The following STRN variants were observed in gnomAD, a reference collection of about 807,000 sequenced individuals.
The protein encoded by STRN is protein phosphatase 2 regulatory subunit B'''alpha.
A neutral mutation model predicts 96.3 loss-of-function variants in STRN; 53 were observed. The observed-to-expected ratio is 0.55, with a 90% CI of 0.44 to 0.69. The LOEUF (loss-of-function observed/expected upper bound fraction) is 0.69, where lower values mean the gene tolerates loss of function less well. Among genes scored for constraint, STRN ranks in the 30% least tolerant of loss-of-function variants. STRN has a pLI of 0.00. For missense variants in STRN, 987 were observed against 963.9 expected (o/e 1.02, Z -0.32); for synonymous variants, 428 against 355.9 (o/e 1.20, Z -2.28).
chr2:36,966,054 G>A (rs1044641598), intron 1 of STRN, among the ~76,000 whole-genome samples, 176 bp downstream of exon 1: 1 of 151,728 alleles, frequency 6.6e-6, no homozygotes, highest in Non-Finnish European at 1.5e-5. Flanking sequence ...GGGTCGAGGT[G>A]GGGTCAGCGA....
At chr2:36,854,388 T>C (rs2148128566) in intron 15 of STRN, among the ~76,000 whole-genome samples, 1 of 152,298 alleles carries the variant, frequency 6.6e-6, no homozygotes, top group South Asian at 2.1e-4. Flanking sequence ...TCATGCTTAC[T>C]TCCCCAAACA....
In STRN at chr2:36,902,600, C is replaced by G. The variant is rs1669715157; in HGVS notation, c.643G>C (p.Glu215Gln). ...VVNGTEAEVK[E>Q]TAMIAKSELT... Reference sequence around the variant, plus strand: ...AATACTTACGCAATCATTGCTGTCTCTTTAACTTCAGCCTCTGTGCCATTT... The same window carrying G: ...AATACTTACGCAATCATTGCTGTCTGTTTAACTTCAGCCTCTGTGCCATTT... Residue 215 changes from glutamate to glutamine, a missense_variant, in exon 5 of 18, where the codon GAG (glutamate) becomes CAG (glutamine). By Grantham distance (29) the Glu-to-Gln change is conservative (BLOSUM62 2). Transcript: ENST00000263918. The G allele has an allele frequency of 1.2e-6, 2 of 1,606,690 alleles. No homozygotes were observed. Among genetic ancestry groups the G allele is most frequent in the Non-Finnish European group, 1.7e-6 (2 of 1,175,450 alleles).
chr2:36,872,549 C>T (rs897878986), intron 10 of STRN, among the ~76,000 whole-genome samples: 70 of 152,126 alleles, frequency 4.6e-4, no homozygotes, highest in African/African-American at 1.6e-3. Flanking sequence ...TGTTTTAAGC[C>T]GCTAAGTTTT....
In STRN at chr2:36,966,140, G is replaced by A. The variant is rs1309758858; in HGVS notation, c.234+90C>T. The A allele has an allele frequency of 1.4e-5, 18 of 1,278,800 alleles. No homozygotes were observed. The African/African-American group carries it at 2.4e-4, about 17-fold the overall frequency. The allele number at this position is 1,278,800 out of a possible 1,614,324, so 79.2% of individuals were successfully genotyped here. ...GGCAGCAAAGGGGGAGGGGACGCGA[G>A]AAGGCTGGGGGAGGGGGAGAAGGGT... On this transcript the variant is annotated intron_variant, in intron 1 of 17. Coordinates refer to ENST00000263918, the MANE Select transcript of STRN (RefSeq NM_003162.4).
intron 2 of STRN, among the ~76,000 whole-genome samples, chr2:36,919,419 T>G (rs1202570885): frequency 6.6e-6 from 1 of 151,998 alleles, no homozygotes; most frequent in Non-Finnish European, 1.5e-5. Flanking sequence ...CAGTGGGAGT[T>G]TTCCAATCAA....
At chr2:36,887,604 T>A (rs1481389381) in intron 7 of STRN, among the ~76,000 whole-genome samples, 1 of 152,170 alleles carries the variant, frequency 6.6e-6, no homozygotes, top group Non-Finnish European at 1.5e-5. Flanking sequence ...TAAACGCCAA[T>A]GATCTTTTAA....
chr2:36,922,838 T>C (rs1670296925), intron 2 of STRN, among the ~76,000 whole-genome samples: 1 of 152,208 alleles, frequency 6.6e-6, no homozygotes, highest in Non-Finnish European at 1.5e-5. Context: ...CTTTCTACTT[T>C]CATCTTCCAG....
chr2:36,890,386 T>C (rs1020443770), intron 7 of STRN, among the ~76,000 whole-genome samples: 1 of 151,892 alleles, frequency 6.6e-6, no homozygotes, highest in Non-Finnish European at 1.5e-5. Flanking sequence ...CAAATTTACA[T>C]GGTTTAAGCA....
In STRN at chr2:36,841,354, A is replaced by C. The variant is rs893625529; in HGVS notation, c.*8102T>G. 1.3e-5 allele frequency: 2 copies of C among 152,120 alleles called. No individual in the cohort carries two copies. The highest frequency in any genetic ancestry group is 1.3e-4 in the Admixed American group (2 of 15,256). The allele number at this position is 152,120 out of a possible 1,614,324, so 9.4% of individuals were successfully genotyped here. ...AGCAAAATACTGAGACATTTACCAC[A>C]TAAGAAAGCATTCTTACATAGCAGT... is the stretch of plus-strand genomic sequence containing the variant. On this transcript the variant is annotated 3_prime_UTR_variant, in exon 18 of 18. Transcript: ENST00000263918.
At chr2:36,899,254 T>C (rs1378884958) in intron 6 of STRN, among the ~76,000 whole-genome samples, 1 of 152,174 alleles carries the variant, frequency 6.6e-6, no homozygotes, top group Non-Finnish European at 1.5e-5. Context: ...TAACACACAA[T>C]ATTTACTATA....
At position 36,945,758 on chromosome 2, in the gene STRN, T is replaced by G. The variant is rs540400979; in HGVS notation, c.234+20472A>C. Among the ~76,000 whole-genome samples the G allele has an allele frequency of 2.8e-4, 43 of 152,298 alleles. No homozygotes were observed. The South Asian group carries it at 3.9e-3, about 14-fold the overall frequency. On this transcript the variant is annotated intron_variant, in intron 1 of 17. Transcript: ENST00000263918. Reference sequence around the variant, plus strand: ...AAAAGAGAAATACTACAGGACCAACTTGATTTCATTAGTTAGTTAAATGAG... The same window carrying G: ...AAAAGAGAAATACTACAGGACCAACGTGATTTCATTAGTTAGTTAAATGAG...
At chr2:36,854,723 GTC>G (rs1668301729) in intron 15 of STRN, among the ~76,000 whole-genome samples, 1 of 152,134 alleles carries the variant, frequency 6.6e-6, no homozygotes, top group Admixed American at 6.5e-5. Flanking sequence ...CCAAAAAAGA[GTC>G]TGTAATATCT....
intron 2 of STRN, among the ~76,000 whole-genome samples, chr2:36,919,024 A>C (rs1001652069): frequency 3.3e-5 from 5 of 152,228 alleles, no homozygotes; most frequent in Non-Finnish European, 7.3e-5. Flanking sequence ...AAAGAAGAGT[A>C]ATTTTAGCTT....
At chr2:36,883,371 C>G (rs1254962480) in intron 9 of STRN, among the ~76,000 whole-genome samples, 2 of 152,130 alleles carry the variant, frequency 1.3e-5, no homozygotes, top group Non-Finnish European at 2.9e-5. Context: ...GCAAGAGAAT[C>G]ACTTGAACCT....
At chr2:36,890,482 T>C (rs1054178600) in intron 7 of STRN, among the ~76,000 whole-genome samples, 1 of 142,160 alleles carries the variant, frequency 7.0e-6, no homozygotes, top group Non-Finnish European at 1.5e-5. Flanking sequence ...GAAAACTTTT[T>C]TTTTTTTTTT....
rs1230926713 is a variant in STRN, at chr2:36,846,642, T to C, written c.*2814A>G. 5.9e-5 allele frequency: 9 copies of C among 151,578 alleles called. No individual in the cohort carries two copies. Among genetic ancestry groups the C allele is most frequent in the Non-Finnish European group, 1.2e-4 (8 of 67,888 alleles). 9.4% of individuals were successfully genotyped at this position (151,578 alleles called of 1,614,324 possible). On this transcript the variant is annotated 3_prime_UTR_variant, in exon 18 of 18. Transcript: ENST00000263918. Reference sequence around the variant, plus strand: ...CAATTTCCCCCGTTTTAGTCATAACTAAAATGATTATAAAAGCGAAATATT... The same window carrying C: ...CAATTTCCCCCGTTTTAGTCATAACCAAAATGATTATAAAAGCGAAATATT...
Position 36,845,286 on chromosome 2 carries a change from T to C in STRN, c.*4170A>G, listed in dbSNP as rs1327849243. On this transcript the variant is annotated 3_prime_UTR_variant, in exon 18 of 18. Coordinates refer to ENST00000263918, the MANE Select transcript of STRN (RefSeq NM_003162.4). Reference sequence around the variant, plus strand: ...GAAAAACAAAATTAATTCTAAGCCTTTCAGTCTGATTTGTGACATCTTAAT... The same window carrying C: ...GAAAAACAAAATTAATTCTAAGCCTCTCAGTCTGATTTGTGACATCTTAAT... The C allele has an allele frequency of 1.3e-5, 2 of 152,124 alleles. No homozygotes were observed. Among genetic ancestry groups the C allele is most frequent in the African/African-American group, 4.8e-5 (2 of 41,436 alleles). The allele number at this position is 152,124 out of a possible 1,614,324, so 9.4% of individuals were successfully genotyped here.
At chr2:36,951,267 A>C (rs930671417) in intron 1 of STRN, among the ~76,000 whole-genome samples, 8 of 152,250 alleles carry the variant, frequency 5.3e-5, no homozygotes, top group African/African-American at 1.9e-4. Context: ...CACAACTACC[A>C]AAACCCAAGT....
intron 1 of STRN, among the ~76,000 whole-genome samples, chr2:36,929,361 T>C (rs111720962): frequency 1.3e-5 from 2 of 152,204 alleles, no homozygotes; most frequent in Non-Finnish European, 2.9e-5. Flanking sequence ...AAATGCACCA[T>C]TTAATTTATT....
Sources: gnomAD v4.1 joint callset for allele counts (sites outside exome capture counted in the v4.1 genomes callset) on GRCh38, gnomAD v4.1.1 for gene constraint, MANE v1.5 for transcripts, NCBI Gene and HGNC (gene_info 2026-07-23, HGNC 2026-07-21) for gene names.